DGLUCY: variants seen among roughly 807,000 people sequenced by gnomAD.
The protein encoded by DGLUCY is D-glutamate cyclase, also known as D-glutamate cyclase, mitochondrial.
In DGLUCY, 58 loss-of-function variants were observed where a neutral mutation model predicts 58.5. The ratio of observed to expected loss-of-function variants is 0.99; its 90% CI spans 0.80 to 1.23. DGLUCY has a LOEUF of 1.23. Among genes scored for constraint, DGLUCY ranks in the 50% most tolerant of loss-of-function variants. The pLI is 0.00. For missense variants in DGLUCY, 779 were observed against 784.7 expected, an observed-to-expected ratio of 0.99 and a Z score of 0.09; for synonymous variants, 325 against 314.1, an observed-to-expected ratio of 1.03 and a Z score of -0.37.
At chr14:91,090,977 G>A (rs941689738) in intron 1 of DGLUCY, 2 of 152,234 alleles carry the variant, frequency 1.3e-5, no homozygotes, top group African/African-American at 4.8e-5. Flanking sequence ...GAGGGAGGAA[G>A]GTGTGGTCAG....
chr14:91,196,453 A>T lies in DGLUCY; in HGVS notation c.1274A>T (p.Asn425Ile). Residue 425 changes from asparagine (N) to isoleucine (I), a missense_variant, in exon 10 of 14, where the codon AAT becomes ATT. Transcript: ENST00000256324. Reference protein sequence around the residue: ...VEAAQAFLCKNGDPQTPRFDH... With the variant: ...VEAAQAFLCKIGDPQTPRFDH... The stretch of plus-strand genomic sequence containing the variant: ...GCTGCTCAGGCATTCCTGTGCAAAA[A>T]TGGGGACCCGCAGACACCTAGGTAC... The T allele has an allele frequency of 6.2e-7, 1 of 1,614,168 alleles. No homozygotes were observed. Among genetic ancestry groups the T allele is most frequent in the Non-Finnish European group, 8.5e-7 (1 of 1,180,014 alleles).
At position 91,147,724 on chromosome 14, in the gene DGLUCY, T is replaced by C. The variant is rs1458908286; in HGVS notation, c.-81-9915T>C. 3 of 152,254 alleles carry C rather than the reference T, an allele frequency of 2.0e-5. No individual in the cohort carries two copies. The East Asian group carries it at 5.8e-4, about 29-fold the overall frequency. The allele number at this position is 152,254 out of a possible 1,614,324, so 9.4% of individuals were successfully genotyped here. On this transcript the variant is annotated intron_variant, in intron 1 of 13. Transcript: ENST00000256324. Reference sequence around the variant, plus strand: ...CTGTTATTATATCTGTCCCATCATATCTGCTTCTGTGATGGCTTTATTATG... The same window carrying C: ...CTGTTATTATATCTGTCCCATCATACCTGCTTCTGTGATGGCTTTATTATG...
chr14:91,137,542 C>T lies in DGLUCY; in HGVS notation c.-81-20097C>T, dbSNP rs2401979. Among the ~76,000 whole-genome samples the T allele has an allele frequency of 1.4e-3, 215 of 148,964 alleles. 2 individuals are homozygous for T. Among genetic ancestry groups the T allele is most frequent in the Admixed American group, 4.3e-3 (64 of 14,834 alleles). ...CTGGGACTACAGGCGTGCGCCACCA[C>T]GCCTGGCTAATTTTTTTTTTTTTTT... On this transcript the variant is annotated intron_variant, in intron 1 of 13. Transcript: ENST00000256324.
upstream of DGLUCY, among the ~76,000 whole-genome samples, chr14:91,105,213 G>C: frequency 6.6e-6 from 1 of 152,068 alleles, no homozygotes; most frequent in Non-Finnish European, 1.5e-5. Context: ...TACTTAGGAG[G>C]CTGAGACAGG....
At chr14:91,060,355 G>C in exon 1 of DGLUCY, 1 of 1,478,564 alleles carries the variant, frequency 6.8e-7, no homozygotes, top group South Asian at 1.3e-5. Context: ...GTGCTTGACA[G>C]TGAGGAGCTG....
chr14:91,130,465 G>A (rs1475361214), intron 1 of DGLUCY, among the ~76,000 whole-genome samples: 1 of 151,684 alleles, frequency 6.6e-6, no homozygotes, highest in African/African-American at 2.4e-5. Flanking sequence ...AAGCCGCCAT[G>A]CCCAGCTAAT....
At position 91,120,960 on chromosome 14, in the gene DGLUCY, G is replaced by T. The variant is rs77709508; in HGVS notation, c.-82+6677G>T. The stretch of plus-strand genomic sequence containing the variant: ...GGATCCTCCTACCCTTAGTGCTCCT[G>T]GGGCTCTTAGATGAAGCTCATACTC... On this transcript the variant is annotated intron_variant, in intron 1 of 13. Transcript: ENST00000256324. Among the ~76,000 whole-genome samples, 645 of 152,224 alleles carry T rather than the reference G, an allele frequency of 4.2e-3. 4 individuals carry two copies. The highest frequency in any genetic ancestry group is 0.015 in the African/African-American group (610 of 41,568).
chr14:91,210,353 A>G (rs1003517927), intron 12 of DGLUCY, among the ~76,000 whole-genome samples: 1 of 152,040 alleles, frequency 6.6e-6, no homozygotes, highest in Admixed American at 6.6e-5. Flanking sequence ...CAACATAACA[A>G]GACCATATCT....
chr14:91,145,702 C>A (rs1228643556), intron 1 of DGLUCY, among the ~76,000 whole-genome samples: 2 of 152,174 alleles, frequency 1.3e-5, no homozygotes, highest in Admixed American at 6.5e-5. Flanking sequence ...GCTCTCTCAG[C>A]ACTTTACATA....
intron 1 of DGLUCY, among the ~76,000 whole-genome samples, chr14:91,072,053 G>A (rs906064828): frequency 4.0e-5 from 6 of 150,856 alleles, no homozygotes; most frequent in African/African-American, 1.5e-4. Flanking sequence ...CCAGGCGTTG[G>A]GGCTCATGCC....
chr14:91,082,664 A>G (rs920563937), intron 1 of DGLUCY, among the ~76,000 whole-genome samples: 8 of 152,312 alleles, frequency 5.3e-5, no homozygotes, highest in African/African-American at 1.9e-4. Flanking sequence ...AGGCAGGCTG[A>G]AGGATCCTCA....
At chr14:91,118,951 A>G (rs1030673450) in intron 1 of DGLUCY, among the ~76,000 whole-genome samples, 3 of 152,142 alleles carry the variant, frequency 2.0e-5, no homozygotes, top group African/African-American at 7.2e-5. Context: ...GACCCTAAAA[A>G]GTCTACCTAA....
chr14:91,159,971 GC>G (rs1195833676), intron 2 of DGLUCY, among the ~76,000 whole-genome samples: 1 of 152,186 alleles, frequency 6.6e-6, no homozygotes, highest in African/African-American at 2.4e-5. Flanking sequence ...CCCAGCACCA[GC>G]CTTTTGGAGA....
chr14:91,119,330 C>G (rs1279999463), intron 1 of DGLUCY, among the ~76,000 whole-genome samples: 1 of 152,034 alleles, frequency 6.6e-6, no homozygotes, highest in Non-Finnish European at 1.5e-5. Context: ...AATGATATAC[C>G]TCAGAGTTGT....
At chr14:91,124,257 G>C (rs925439816) in intron 1 of DGLUCY, among the ~76,000 whole-genome samples, 1 of 152,190 alleles carries the variant, frequency 6.6e-6, no homozygotes, top group Non-Finnish European at 1.5e-5. Context: ...AGCAGACCCA[G>C]CTAACTGGGA....
chr14:91,208,975 T>C (rs560611864), intron 12 of DGLUCY, among the ~76,000 whole-genome samples: 48 of 152,222 alleles, frequency 3.2e-4, no homozygotes, highest in African/African-American at 1.1e-3. Context: ...AATAGAATCA[T>C]ATAAAATACT....
intron 1 of DGLUCY, among the ~76,000 whole-genome samples, chr14:91,128,187 A>G (rs2045825464): frequency 1.3e-5 from 2 of 151,846 alleles, no homozygotes; most frequent in South Asian, 4.1e-4. Flanking sequence ...GTTAAGAAAG[A>G]TCCAGGCCGG....
intron 2 of DGLUCY, among the ~76,000 whole-genome samples, chr14:91,159,942 G>A (rs184813977): frequency 2.9e-3 from 449 of 152,236 alleles, no homozygotes; most frequent in South Asian, 6.2e-3. Flanking sequence ...ATAGGCCACG[G>A]TGCCTCCTGG....
Position 91,127,053 on chromosome 14 carries a change from C to CTTT in DGLUCY, c.-82+12789_-82+12791dup, listed in dbSNP as rs11407228. Among the ~76,000 whole-genome samples the CTTT allele has an allele frequency of 5.8e-3, 569 of 98,150 alleles. 13 individuals are homozygous for CTTT. Among genetic ancestry groups the CTTT allele is most frequent in the African/African-American group, 8.6e-3 (216 of 25,224 alleles). 64.4% of individuals were successfully genotyped at this position (98,150 alleles called of 152,430 possible). ...TTCTCAGTCAGGCCTTGATGATACT[C>CTTT]TTTTTTTTTTTTTTTTTTTTTGAGA... On this transcript the variant is annotated intron_variant, in intron 1 of 13. Coordinates refer to ENST00000256324, the MANE Select transcript of DGLUCY (RefSeq NM_001102368.3).
Sources: allele counts gnomAD v4.1 joint callset (sites outside exome capture counted in the v4.1 genomes callset), GRCh38; gene constraint gnomAD v4.1.1; transcripts MANE v1.5; gene names NCBI Gene and HGNC (gene_info 2026-07-23, HGNC 2026-07-21).